Variants in MALRD1 observed in about 807,000 individuals in gnomAD.
MALRD1 encodes MAM and LDL-receptor class A domain-containing protein 1.
A neutral mutation model predicts 242.1 loss-of-function variants in MALRD1; 247 were observed. The observed-to-expected ratio is 1.02, with a 90% CI of 0.92 to 1.13. The LOEUF is 1.13. Ranked by LOEUF, MALRD1 falls within the 50% of genes most tolerant of loss-of-function variation. The probability of loss-of-function intolerance (pLI) is 0.00; values close to 1 mark genes in which losing one functional copy is unlikely to be tolerated. For missense variants in MALRD1, 2,989 were observed against 2,533.1 expected, an observed-to-expected ratio of 1.18 and a Z score of -3.86; for synonymous variants, 995 against 866.6, an observed-to-expected ratio of 1.15 and a Z score of -2.60.
intron 26 of MALRD1, among the ~76,000 whole-genome samples, chr10:19,383,903 G>A (rs191302134): frequency 6.6e-6 from 1 of 152,038 alleles, no homozygotes; most frequent in African/African-American, 2.4e-5. Flanking sequence ...AAAGTGCGGT[G>A]AGTGCTATGA....
chr10:19,374,525 T>C (rs1366810050), intron 26 of MALRD1, among the ~76,000 whole-genome samples: 1 of 152,218 alleles, frequency 6.6e-6, no homozygotes, highest in Non-Finnish European at 1.5e-5. Flanking sequence ...TGATTTTATT[T>C]AGTATCACAT....
At chr10:19,645,070 C>T (rs1840584964) in intron 36 of MALRD1, among the ~76,000 whole-genome samples, 1 of 152,104 alleles carries the variant, frequency 6.6e-6, no homozygotes, top group Admixed American at 6.6e-5. Context: ...CTTATTTTCT[C>T]ATTTTCATAG....
Position 19,692,528 on chromosome 10 carries a change from T to A in MALRD1, c.6288T>A (p.Phe2096Leu), listed in dbSNP as rs1423663528. ...MTHITVAVLC[F>L]LANRKVPIRK... ...ACATCACAGTTGCAGTCTTGTGTTT[T>A]CTTGCAAACAGAAAGGTACCAATAA... Residue 2096 changes from phenylalanine to leucine, a missense_variant, in exon 38 of 40, where the codon TTT becomes TTA. By Grantham distance (22) the Phe-to-Leu change is conservative. Transcript: ENST00000454679. 2 of 1,535,778 alleles carry A rather than the reference T, an allele frequency of 1.3e-6. No homozygotes were observed. Among genetic ancestry groups the A allele is most frequent in the Non-Finnish European group, 1.7e-6 (2 of 1,146,466 alleles).
At chr10:19,590,254 TATATA>T (rs978832614) in intron 33 of MALRD1, among the ~76,000 whole-genome samples, 34 of 148,884 alleles carry the variant, frequency 2.3e-4, no homozygotes, top group African/African-American at 8.1e-4. Flanking sequence ...TGGTGATATA[TATATA>T]ATATATGTAT....
At chr10:19,411,134 T>C (rs941009369) in intron 28 of MALRD1, among the ~76,000 whole-genome samples, 2 of 152,184 alleles carry the variant, frequency 1.3e-5, no homozygotes, top group Non-Finnish European at 2.9e-5. Context: ...TTTTAAAATA[T>C]TATGTAGCAA....
chr10:19,212,445 G>A (rs1837112353), intron 18 of MALRD1, among the ~76,000 whole-genome samples: 2 of 152,214 alleles, frequency 1.3e-5, no homozygotes, highest in Middle Eastern at 3.4e-3. Context: ...TCATGTTATA[G>A]TATGTATCCA....
chr10:19,602,824 T>C (rs1434293573), intron 34 of MALRD1, among the ~76,000 whole-genome samples: 1 of 152,118 alleles, frequency 6.6e-6, no homozygotes, highest in African/African-American at 2.4e-5. Flanking sequence ...AGTGTAAAAG[T>C]GTTCCTATTT....
chr10:19,369,664 A>C (rs1207294465), intron 26 of MALRD1, among the ~76,000 whole-genome samples: 2 of 150,704 alleles, frequency 1.3e-5, no homozygotes, highest in Non-Finnish European at 3.0e-5. Flanking sequence ...ATATTTTCAA[A>C]TATGCATAAG....
chr10:19,591,644 G>A (rs1436790493), intron 33 of MALRD1, among the ~76,000 whole-genome samples: 5 of 151,990 alleles, frequency 3.3e-5, no homozygotes, highest in African/African-American at 4.8e-5. Flanking sequence ...GATTACGGGC[G>A]TGTGCCACCA....
intron 21 of MALRD1, among the ~76,000 whole-genome samples, chr10:19,315,777 G>T (rs1842678010): frequency 7.1e-6 from 1 of 140,108 alleles, no homozygotes; most frequent in Admixed American, 7.5e-5. Flanking sequence ...TATATAATAT[G>T]TATGTATTAT....
rs1369243554 is a variant in MALRD1, at chr10:19,327,499, C to T, written c.3577-64C>T. 1.0e-5 allele frequency: 13 copies of T among 1,269,824 alleles called. No individual in the cohort carries two copies. In the Admixed American group the frequency reaches 3.0e-4, roughly 29 times the overall value. The allele number at this position is 1,269,824 out of a possible 1,614,324, so 78.7% of individuals were successfully genotyped here. On this transcript the variant is annotated intron_variant, in intron 22 of 39. Coordinates refer to ENST00000454679, the MANE Select transcript of MALRD1 (RefSeq NM_001142308.3). ...AAAAAAAAAAATCACTGGAAGAATTCTACATGTTTGCAATTTCTCAAGATA... is the reference window on the plus strand; with the variant it reads ...AAAAAAAAAAATCACTGGAAGAATTTTACATGTTTGCAATTTCTCAAGATA...
chr10:19,719,056 A>G (rs1834563063), intron 38 of MALRD1, among the ~76,000 whole-genome samples: 1 of 150,350 alleles, frequency 6.7e-6, no homozygotes, highest in South Asian at 2.1e-4. Flanking sequence ...CTAGATACCC[A>G]AGAGGCTGAG....
chr10:19,285,692 C>A (rs947343380), intron 21 of MALRD1, among the ~76,000 whole-genome samples: 1 of 132,290 alleles, frequency 7.6e-6, no homozygotes, highest in African/African-American at 2.9e-5. Context: ...AGTGTGATGC[C>A]TCCAGCTTTG....
chr10:19,439,322 T>A (rs2496101), intron 28 of MALRD1, among the ~76,000 whole-genome samples: 4 of 151,690 alleles, frequency 2.6e-5, no homozygotes, highest in Non-Finnish European at 1.5e-5. Flanking sequence ...CTTGAGCCCA[T>A]TAGTTTAAAA....
At chr10:19,148,909 T>TAAA (rs1382038915) in intron 11 of MALRD1, among the ~76,000 whole-genome samples, 14 of 151,080 alleles carry the variant, frequency 9.3e-5, no homozygotes, top group Middle Eastern at 3.4e-3. Context: ...GAGGAGAATT[T>TAAA]AAAAAAATGA....
At chr10:19,377,275 A>C (rs957489449) in intron 26 of MALRD1, among the ~76,000 whole-genome samples, 4 of 152,176 alleles carry the variant, frequency 2.6e-5, no homozygotes, top group Admixed American at 2.6e-4. Context: ...TTAAAAAAGG[A>C]AAGGAATAAT....
chr10:19,373,230 G>A (rs552505248), intron 26 of MALRD1, among the ~76,000 whole-genome samples: 12 of 109,684 alleles, frequency 1.1e-4, no homozygotes, highest in African/African-American at 3.7e-4. Flanking sequence ...ATAAGGGGCC[G>A]GGCACGGTGG....
chr10:19,614,579 G>A (rs1839051447), intron 35 of MALRD1, among the ~76,000 whole-genome samples: 1 of 151,914 alleles, frequency 6.6e-6, no homozygotes, highest in Non-Finnish European at 1.5e-5. Flanking sequence ...GGCCTTAGTA[G>A]GTCAAGATGT....
intron 28 of MALRD1, among the ~76,000 whole-genome samples, chr10:19,391,505 T>C (rs1846335260): frequency 6.6e-6 from 1 of 152,186 alleles, no homozygotes; most frequent in African/African-American, 2.4e-5. Context: ...GGATTCTGCC[T>C]CCAAATTCTT....
Sources: gnomAD v4.1 joint callset for allele counts (sites outside exome capture counted in the v4.1 genomes callset) on GRCh38, gnomAD v4.1.1 for gene constraint, MANE v1.5 for transcripts, NCBI Gene and HGNC (gene_info 2026-07-23, HGNC 2026-07-21) for gene names.